Variants in FHIT observed in about 807,000 individuals in gnomAD.
The protein encoded by FHIT is fragile histidine triad diadenosine triphosphatase, also known as bis(5'-adenosyl)-triphosphatase.
A neutral mutation model predicts 17.9 loss-of-function variants in FHIT; 19 were observed. That is an observed-to-expected ratio of 1.06 (90% confidence interval 0.74 to 1.56). FHIT has a LOEUF of 1.56. Ranked by LOEUF, FHIT falls within the 40% of genes most tolerant of loss-of-function variation. The pLI is 0.00. For synonymous variants in FHIT, 81 were observed against 69.7 expected (o/e 1.16, Z -0.81); for missense variants, 248 against 189.2 (o/e 1.31, Z -1.82).
chr3:61,124,150 G>T (rs2036542574), intron 2 of FHIT, among the ~76,000 whole-genome samples: 1 of 152,170 alleles, frequency 6.6e-6, no homozygotes, highest in Non-Finnish European at 1.5e-5. Context: ...GTTGAGGACG[G>T]CTATTAGAGC....
At chr3:60,230,520 G>C (rs78091148) in intron 5 of FHIT, among the ~76,000 whole-genome samples, 2 of 152,058 alleles carry the variant, frequency 1.3e-5, no homozygotes, top group African/African-American at 4.8e-5. Flanking sequence ...AAAAATCGCA[G>C]ATAGCATAGG....
chr3:60,490,028 T>C (rs555695204), intron 5 of FHIT, among the ~76,000 whole-genome samples: 2 of 152,228 alleles, frequency 1.3e-5, no homozygotes, highest in African/African-American at 4.8e-5. Context: ...TTGACCAAAA[T>C]GAGCAATGAA....
intron 4 of FHIT, among the ~76,000 whole-genome samples, chr3:60,716,863 C>A (rs775885086): frequency 1.3e-5 from 2 of 152,122 alleles, no homozygotes; most frequent in Non-Finnish European, 1.5e-5. Context: ...TTTTTAGCTC[C>A]ATTATAATCT....
At position 60,338,448 on chromosome 3, in the gene FHIT, C is replaced by T. The variant is rs115014974; in HGVS notation, c.103+198412G>A. On this transcript the variant is annotated intron_variant, in intron 5 of 9. Transcript: ENST00000492590. ...CGGCATGATCTCCACCAGGCCTTGG[C>T]TTCTCAAAGTTCTGTGATTATAGGC... is the stretch of plus-strand genomic sequence containing the variant. Among the ~76,000 whole-genome samples the T allele has an allele frequency of 9.2e-3, 1,407 of 152,304 alleles. 20 individuals are homozygous for T. Among genetic ancestry groups the T allele is most frequent in the African/African-American group, 0.033 (1,363 of 41,556 alleles).
intron 3 of FHIT, among the ~76,000 whole-genome samples, chr3:60,982,247 A>C (rs985620080): frequency 6.6e-6 from 1 of 152,224 alleles, no homozygotes; most frequent in African/African-American, 2.4e-5. Flanking sequence ...CTTGCTCTAC[A>C]GGAGACTGTC....
In FHIT at chr3:60,282,474, AC is replaced by A. The variant is rs1707507613; in HGVS notation, c.103+254385del. Among the ~76,000 whole-genome samples, 3 of 152,166 alleles carry A rather than the reference AC, an allele frequency of 2.0e-5. No homozygotes were observed. The South Asian group carries it at 6.2e-4, about 32-fold the overall frequency. On this transcript the variant is annotated intron_variant, in intron 5 of 9. Coordinates refer to ENST00000492590, the MANE Select transcript of FHIT (RefSeq NM_002012.4). ...CTTAGGGCAATGTAGACTATTCTAT[AC>A]GAAACTGTAATGGTGGATACACGAC... is the stretch of plus-strand genomic sequence containing the variant.
chr3:60,541,790 T>G (rs1406225216), intron 4 of FHIT, among the ~76,000 whole-genome samples: 1 of 152,198 alleles, frequency 6.6e-6, no homozygotes, highest in Non-Finnish European at 1.5e-5. Flanking sequence ...CTGATGACAC[T>G]GTCTGAGCAC....
intron 4 of FHIT, among the ~76,000 whole-genome samples, chr3:60,550,480 T>A (rs1156324959): frequency 6.6e-6 from 1 of 152,156 alleles, no homozygotes; most frequent in Non-Finnish European, 1.5e-5. Context: ...CTAAAAAAAT[T>A]TTCAATTGTT....
Position 59,905,253 on chromosome 3 carries a change from G to A in FHIT, c.348+17093C>T, listed in dbSNP as rs1704532522. On this transcript the variant is annotated intron_variant, in intron 8 of 9. Coordinates refer to ENST00000492590, the MANE Select transcript of FHIT (RefSeq NM_002012.4). ...CAATAATTATGACAGGGGCTTGGCAGGAAAAAAGAATTGATAGAACTAGAG... is the reference window on the plus strand; with the variant it reads ...CAATAATTATGACAGGGGCTTGGCAAGAAAAAAGAATTGATAGAACTAGAG... 1.3e-5 allele frequency among the ~76,000 whole-genome samples: 2 copies of A among 152,128 alleles called. 1 individual carries two copies. The highest frequency in any genetic ancestry group is 4.1e-4 in the South Asian group (2 of 4,832).
At chr3:60,071,752 TG>T (rs1702781296) in intron 5 of FHIT, among the ~76,000 whole-genome samples, 1 of 152,208 alleles carries the variant, frequency 6.6e-6, no homozygotes. Flanking sequence ...CATCTTGAAT[TG>T]TAGCTCCCAT....
At chr3:61,162,395 T>C (rs752996307) in intron 2 of FHIT, among the ~76,000 whole-genome samples, 8 of 152,194 alleles carry the variant, frequency 5.3e-5, no homozygotes, top group Admixed American at 1.3e-4. Context: ...TCTGTTAAAC[T>C]TGTGTTTAAA....
chr3:61,213,344 G>A (rs899211077), intron 1 of FHIT, among the ~76,000 whole-genome samples: 4 of 152,102 alleles, frequency 2.6e-5, no homozygotes, highest in African/African-American at 9.7e-5. Flanking sequence ...AAAAAAGGCA[G>A]GGGTTGCAGT....
chr3:61,162,054 G>A (rs577993460), intron 2 of FHIT, among the ~76,000 whole-genome samples: 3 of 152,262 alleles, frequency 2.0e-5, no homozygotes, highest in East Asian at 3.9e-4. Flanking sequence ...ACCTGTCAAC[G>A]CTGGTTTAAC....
At chr3:60,122,690 T>G (rs1395024668) in intron 5 of FHIT, among the ~76,000 whole-genome samples, 1 of 152,146 alleles carries the variant, frequency 6.6e-6, no homozygotes, top group Non-Finnish European at 1.5e-5. Flanking sequence ...AAACTTTGGC[T>G]GGGGAGAGTT....
chr3:61,227,978 T>A (rs1484822572), intron 1 of FHIT, among the ~76,000 whole-genome samples: 1 of 152,168 alleles, frequency 6.6e-6, no homozygotes, highest in Non-Finnish European at 1.5e-5. Context: ...AAAAAATGTC[T>A]GTAGTTATTA....
At chr3:60,885,742 C>T (rs6780515) in intron 3 of FHIT, among the ~76,000 whole-genome samples, 38,877 of 152,030 alleles carry the variant, frequency 0.26, 5,734 homozygotes, top group African/African-American at 0.39. Flanking sequence ...TATTTGTTAA[C>T]TTCTCTACCT....
chr3:60,354,939 C>T (rs1346350269), intron 5 of FHIT, among the ~76,000 whole-genome samples: 1 of 152,114 alleles, frequency 6.6e-6, no homozygotes. Context: ...GACTACTTAT[C>T]CTTAAACATT....
chr3:60,562,718 G>A (rs1209509155), intron 4 of FHIT, among the ~76,000 whole-genome samples: 1 of 152,126 alleles, frequency 6.6e-6, no homozygotes, highest in African/African-American at 2.4e-5. Flanking sequence ...ATCTGCACTT[G>A]ACCTGACCCC....
chr3:60,828,939 A>G (rs1553741746), intron 3 of FHIT, among the ~76,000 whole-genome samples: 1 of 152,116 alleles, frequency 6.6e-6, no homozygotes, highest in East Asian at 1.9e-4. Flanking sequence ...ATACTAAAAC[A>G]AAGGAACTTA....
Sources: gnomAD v4.1 joint callset for allele counts (sites outside exome capture counted in the v4.1 genomes callset) on GRCh38, gnomAD v4.1.1 for gene constraint, MANE v1.5 for transcripts, NCBI Gene and HGNC (gene_info 2026-07-23, HGNC 2026-07-21) for gene names.